SEC62: variants seen among roughly 807,000 people sequenced by gnomAD.
The protein encoded by SEC62 is translocation protein SEC62.
In SEC62, 10 loss-of-function variants were observed where a neutral mutation model predicts 47.5. That is an observed-to-expected ratio of 0.21 (90% CI 0.13 to 0.36). SEC62 has a LOEUF of 0.36. Ranked by LOEUF, SEC62 falls within the 10% of genes least tolerant of loss-of-function variation. SEC62 has a pLI of 1.00. For missense variants in SEC62, 327 were observed against 464.1 expected (o/e 0.70, Z 2.71); for synonymous variants, 136 against 150.5 (o/e 0.90, Z 0.71).
intron 1 of SEC62, chr3:169,969,354 G>GAAAT: frequency 2.2e-6 from 1 of 456,418 alleles, no homozygotes; most frequent in Non-Finnish European, 4.4e-6. Flanking sequence ...TTTCCTTCTT[G>GAAAT]GACTCATTAC....
At chr3:169,976,102 A>G (rs1714829561) in intron 2 of SEC62, among the ~76,000 whole-genome samples, 1 of 152,222 alleles carries the variant, frequency 6.6e-6, no homozygotes, top group Admixed American at 6.5e-5. Context: ...CTCATCAATT[A>G]AAAGTGAATT....
At position 169,993,892 on chromosome 3, in the gene SEC62, G is replaced by A. The variant is rs1271705468; in HGVS notation, c.*829G>A. 2 of 152,640 alleles carry A rather than the reference G, an allele frequency of 1.3e-5. No homozygotes were observed. Among genetic ancestry groups the A allele is most frequent in the Non-Finnish European group, 2.9e-5 (2 of 68,040 alleles). 9.5% of individuals were successfully genotyped at this position (152,640 alleles called of 1,614,324 possible). A position where few individuals can be genotyped will look rare whatever the true frequency, so the allele number is the denominator to read the frequency against. The stretch of plus-strand genomic sequence containing the variant: ...TAAAATTAAGACCATGTAAGGGTAT[G>A]TTTTTAGAGAAATGGAAGTTTGAGT... On this transcript the variant is annotated 3_prime_UTR_variant, in exon 8 of 8. Transcript: ENST00000337002.
At position 169,966,816 on chromosome 3, in the gene SEC62, G is replaced by A. The variant is rs920101009; in HGVS notation, c.-7G>A. On this transcript the variant is annotated 5_prime_UTR_variant, in exon 1 of 8. Transcript: ENST00000337002. ...CACGTCAGAGGGAACCGGGCGGAGC[G>A]GCCAACATGGCGGAACGCAGGAGAC... 2.2e-5 allele frequency: 34 copies of A among 1,553,394 alleles called. No homozygotes were observed. Among genetic ancestry groups the A allele is most frequent in the Admixed American group, 5.9e-5 (3 of 51,156 alleles).
At chr3:169,972,323 CA>C (rs1370443351) in intron 1 of SEC62, among the ~76,000 whole-genome samples, 1 of 152,202 alleles carries the variant, frequency 6.6e-6, no homozygotes, top group Non-Finnish European at 1.5e-5. Context: ...GTGTCATTCT[CA>C]GCCACAATAT....
chr3:169,971,332 A>G (rs1315910698), intron 1 of SEC62, among the ~76,000 whole-genome samples: 2 of 152,000 alleles, frequency 1.3e-5, no homozygotes, highest in Non-Finnish European at 1.5e-5. Flanking sequence ...CGGCCTCCCA[A>G]AGTGGTGGGG....
intron 1 of SEC62, among the ~76,000 whole-genome samples, chr3:169,971,592 C>T (rs114081959): frequency 0.011 from 1,652 of 152,254 alleles, 27 homozygotes; most frequent in African/African-American, 0.037. Flanking sequence ...CTTTCATTGC[C>T]TCTTGATAGT....
intron 1 of SEC62, among the ~76,000 whole-genome samples, chr3:169,969,729 T>G (rs771153646): frequency 5.9e-5 from 9 of 152,200 alleles, no homozygotes; most frequent in Non-Finnish European, 1.2e-4. Context: ...AGATAAAAAA[T>G]AAGTTGCTTT....
intron 5 of SEC62, among the ~76,000 whole-genome samples, chr3:169,984,614 C>T (rs1055156779): frequency 8.5e-5 from 13 of 152,094 alleles, no homozygotes; most frequent in African/African-American, 3.1e-4. Context: ...GCAGCATGCA[C>T]TCCATAACTT....
At chr3:169,988,488 C>T in intron 7 of SEC62, 129 bp downstream of exon 7, 1 of 1,002,028 alleles carries the variant, frequency 1.0e-6, no homozygotes, top group Non-Finnish European at 1.5e-6. Context: ...GTACTACTTT[C>T]TGAGTCAAAT....
At chr3:169,989,606 T>C (rs1715192189) in intron 7 of SEC62, among the ~76,000 whole-genome samples, 1 of 152,118 alleles carries the variant, frequency 6.6e-6, no homozygotes. Context: ...TAGAAACTCC[T>C]TGGAAATTTT....
chr3:169,991,441 A>T (rs993312960), intron 7 of SEC62, among the ~76,000 whole-genome samples: 2 of 152,070 alleles, frequency 1.3e-5, no homozygotes, highest in African/African-American at 2.4e-5. Context: ...AGAGAGAGAG[A>T]GATTAGATAA....
At chr3:169,969,348 C>T (rs1714636198) in intron 1 of SEC62, 1 of 456,448 alleles carries the variant, frequency 2.2e-6, no homozygotes, top group Admixed American at 2.3e-5. Flanking sequence ...GTCACATTTC[C>T]TTCTTGGACT....
At chr3:169,991,759 T>G (rs1715253533) in intron 7 of SEC62, among the ~76,000 whole-genome samples, 1 of 152,192 alleles carries the variant, frequency 6.6e-6, no homozygotes, top group Non-Finnish European at 1.5e-5. Flanking sequence ...ATACTGGGGT[T>G]CCTTATCCAG....
At chr3:169,986,556 A>G (rs1367898468) in intron 6 of SEC62, among the ~76,000 whole-genome samples, 1 of 152,238 alleles carries the variant, frequency 6.6e-6, no homozygotes, top group Non-Finnish European at 1.5e-5. Context: ...AAAAGAAAAG[A>G]AAGTTACAGA....
intron 2 of SEC62, among the ~76,000 whole-genome samples, chr3:169,976,628 A>C (rs187014165): frequency 1.3e-5 from 2 of 152,322 alleles, no homozygotes; most frequent in African/African-American, 4.8e-5. Flanking sequence ...TTATCTACAT[A>C]TGCTTGTGAT....
intron 3 of SEC62, among the ~76,000 whole-genome samples, chr3:169,980,509 T>C (rs1714944392): frequency 6.6e-6 from 1 of 152,240 alleles, no homozygotes; most frequent in East Asian, 1.9e-4. Context: ...AAGTTAATAA[T>C]CTACTTTTCT....
rs755455194 is a variant in SEC62, at chr3:169,992,606, T to C, written c.743T>C (p.Leu248Pro). ...TTTCTCCCCACAGCTCGATGCATTCTATTTCTCATCATTTGGCTCATAACT... is the reference window on the plus strand; with the variant it reads ...TTTCTCCCCACAGCTCGATGCATTCCATTTCTCATCATTTGGCTCATAACT... Reference protein sequence around the residue: ...ILLLAVARCILFLIIWLITGG... With the variant: ...ILLLAVARCIPFLIIWLITGG... The change falls in exon 8 of 8, where the codon CTA becomes CCA. Residue 248 changes from leucine to proline, a missense_variant. By Grantham distance (98) the Leu-to-Pro change is moderately conservative. This residue lies in a region of SEC62 where 99 missense variants were observed against 194.0 expected (regional missense o/e 0.51). Coordinates refer to ENST00000337002, the MANE Select transcript of SEC62 (RefSeq NM_003262.4). The surrounding 1 kb of genome is among the most constrained non-coding windows in gnomAD (Gnocchi z 4.0). 6.2e-7 allele frequency: 1 copy of C among 1,612,842 alleles called. No homozygotes were observed. Among genetic ancestry groups the C allele is most frequent in the Admixed American group, 1.7e-5 (1 of 59,708 alleles).
rs919893698 is a variant in SEC62 at position 169,993,968 on chromosome 3, A to G, written c.*905A>G. The G allele has an allele frequency of 6.5e-5, 10 of 152,742 alleles. No homozygotes were observed. Among genetic ancestry groups the G allele is most frequent in the South Asian group, 2.1e-4 (1 of 4,830 alleles). 9.5% of individuals were successfully genotyped at this position (152,742 alleles called of 1,614,324 possible). On this transcript the variant is annotated 3_prime_UTR_variant, in exon 8 of 8. Transcript: ENST00000337002. ...CTACAGCAGCTTCAGTTTTGTGCCA[A>G]CATTCCATGTATTTTGAATATGAGC...
chr3:169,980,638 T>A (rs1308484185), intron 3 of SEC62, among the ~76,000 whole-genome samples: 2 of 152,226 alleles, frequency 1.3e-5, no homozygotes, highest in African/African-American at 4.8e-5. Flanking sequence ...GTTGCATTGT[T>A]TGTTTTTAAA....
Sources: gnomAD v4.1 joint callset for allele counts (sites outside exome capture counted in the v4.1 genomes callset) on GRCh38, gnomAD v4.1.1 for gene constraint, gnomAD v4.1.1 regional missense constraint, Gnocchi (gnomAD v3.1) non-coding constraint, MANE v1.5 for transcripts, NCBI Gene and HGNC (gene_info 2026-07-23, HGNC 2026-07-21) for gene names.